Variants in GOLGA2 observed in about 807,000 individuals in gnomAD.
GOLGA2 encodes golgin subfamily A member 2.
A neutral mutation model predicts 148.8 loss-of-function variants in GOLGA2; 49 were observed. The observed-to-expected ratio is 0.33, with a 90% CI of 0.26 to 0.42. The LOEUF (loss-of-function observed/expected upper bound fraction) is 0.42. Among genes scored for constraint, GOLGA2 ranks in the 10% least tolerant of loss-of-function variants. The pLI, the probability that GOLGA2 is intolerant of heterozygous loss-of-function variation, is 1.00. For synonymous variants in GOLGA2, 501 were observed against 511.8 expected, an observed-to-expected ratio of 0.98 and a Z score of 0.28; for missense variants, 1,178 against 1,304.6, an observed-to-expected ratio of 0.90 and a Z score of 1.49.
rs748903657 is a variant in GOLGA2, at chr9:128,268,492, T to C, written c.321A>G (p.Pro107=). 26 of 1,611,058 alleles carry C rather than the reference T, an allele frequency of 1.6e-5. No homozygotes were observed. The highest frequency in any genetic ancestry group is 1.6e-4 in the Middle Eastern group (1 of 6,082). The change falls in exon 4 of 27, where the codon CCA becomes CCG. Residue 107 remains proline (P), a synonymous_variant. Coordinates refer to ENST00000611957, the MANE Select transcript of GOLGA2 (RefSeq NM_001366244.2). The part of the protein sequence containing the change: ...TPKDNAATLQ[P]SDDTVLPGGV... ...CGCCAGGTAACACGGTGTCATCAGATGGTTGTAGAGTAGCAGCATTGTCCT... is the reference window on the plus strand; with the variant it reads ...CGCCAGGTAACACGGTGTCATCAGACGGTTGTAGAGTAGCAGCATTGTCCT...
At chr9:128,268,659 CA>C (rs1830750339) in intron 3 of GOLGA2, 135 bp from the exon 4 acceptor site, 1 of 622,414 alleles carries the variant, frequency 1.6e-6, no homozygotes, top group Non-Finnish European at 2.9e-6. Flanking sequence ...AGGAGCCACT[CA>C]GGGGTGTGGA....
At chr9:128,274,412 C>G (rs1831171176) in intron 1 of GOLGA2, among the ~76,000 whole-genome samples, 2 of 152,156 alleles carry the variant, frequency 1.3e-5, no homozygotes, top group Admixed American at 1.3e-4. Context: ...GAAGTCAAGC[C>G]TGGAGTCCCA....
rs771229274 is a variant in GOLGA2 at position 128,268,506 on chromosome 9, C to G, written c.307G>C (p.Ala103Pro). ...DKWKTPKDNAATLQPSDDTVL... is the reference protein window; with the variant it reads ...DKWKTPKDNAPTLQPSDDTVL... Reference sequence around the variant, plus strand: ...GTGTCATCAGATGGTTGTAGAGTAGCAGCATTGTCCTTGGGTGTCTGTCAC... The same window carrying G: ...GTGTCATCAGATGGTTGTAGAGTAGGAGCATTGTCCTTGGGTGTCTGTCAC... Residue 103 changes from alanine (A) to proline (P), a missense_variant, in exon 4 of 27, where the codon GCT (alanine) becomes CCT (proline). Ala to Pro is a conservative substitution (Grantham distance 27). Around this residue, in one of 5 missense-constraint regions of GOLGA2, gnomAD observed 158 missense variants for 156.6 expected, o/e 1.01. Coordinates refer to ENST00000611957, the MANE Select transcript of GOLGA2 (RefSeq NM_001366244.2). 3.1e-6 allele frequency: 5 copies of G among 1,607,520 alleles called. No individual in the cohort carries two copies. The African/African-American group carries it at 5.3e-5, about 17-fold the overall frequency.
Position 128,262,625 on chromosome 9 carries a change from T to A in GOLGA2, c.1072A>T (p.Met358Leu). 2 of 1,614,000 alleles carry A rather than the reference T, an allele frequency of 1.2e-6. No homozygotes were observed. The highest frequency in any genetic ancestry group is 1.3e-5 in the African/African-American group (1 of 75,072). The change falls in exon 14 of 27, where the codon ATG (methionine) becomes TTG (leucine). Residue 358 changes from methionine (M) to leucine (L), a missense_variant. Met to Leu is a conservative substitution (Grantham distance 15). This residue lies in a region of GOLGA2 where 304 missense variants were observed against 404.1 expected (regional missense o/e 0.75). Coordinates refer to ENST00000611957, the MANE Select transcript of GOLGA2 (RefSeq NM_001366244.2). ...TGCAATTCTTCCAAGTTAAGCTGCA[T>A]GCCAGCCTTCTCAGTCACTAGGACC... is the stretch of plus-strand genomic sequence containing the variant. The part of the protein sequence containing the change: ...LRVLVTEKAG[M>L]QLNLEELQKK...
At position 128,258,945 on chromosome 9, in the gene GOLGA2, C is replaced by G; in HGVS notation, c.2173+62G>C. On this transcript the variant is annotated intron_variant, in intron 21 of 26. Transcript: ENST00000611957. This position sits in a 1 kb window ranked among gnomAD's most constrained non-coding sequence, Gnocchi z 6.6. ...TCTCTTCCAACTCCTCAATTCTACG[C>G]TGCTAACAGTCCCCCCTTCTTCCTG... 9.1e-7 allele frequency: 1 copy of G among 1,093,466 alleles called. No individual in the cohort carries two copies. The highest frequency in any genetic ancestry group is 1.4e-6 in the Non-Finnish European group (1 of 716,118). The allele number at this position is 1,093,466 out of a possible 1,614,324, so 67.7% of individuals were successfully genotyped here. A position where few individuals can be genotyped will look rare whatever the true frequency, so the allele number is the denominator to read the frequency against.
rs1588487015 is a variant in GOLGA2 at position 128,266,504 on chromosome 9, G to T, written c.643-179C>A. The T allele has an allele frequency of 1.6e-6, 1 of 617,726 alleles. No individual in the cohort carries two copies. The highest frequency in any genetic ancestry group is 2.7e-5 in the East Asian group (1 of 36,658). 38.3% of individuals were successfully genotyped at this position (617,726 alleles called of 1,614,324 possible). A position where few individuals can be genotyped will look rare whatever the true frequency, so the allele number is the denominator to read the frequency against. The stretch of plus-strand genomic sequence containing the variant: ...TCAAGGAAAGGGGATTTGTGTCTTT[G>T]TTGGTTTTTGCCCACAGCCACAGAA... On this transcript the variant is annotated intron_variant, in intron 8 of 26. Coordinates refer to ENST00000611957, the MANE Select transcript of GOLGA2 (RefSeq NM_001366244.2). This position sits in a 1 kb window ranked among gnomAD's most constrained non-coding sequence, Gnocchi z 4.2.
In GOLGA2 at chr9:128,261,459, C is replaced by G. The variant is rs923505720; in HGVS notation, c.1327G>C (p.Glu443Gln). ...MWRQRMQQMS[E>Q]QVHTLREEKE... ...GCTGAAGGGTCAGGTCTCACCTGCT[C>G]TGACATCTGCTGCATCCTCTGCCGC... The change falls in exon 16 of 27, where the codon GAG becomes CAG. Residue 443 changes from glutamate (E) to glutamine (Q), a missense_variant. Physicochemically the swap from Glu to Gln is conservative, Grantham distance 29 (BLOSUM62 2). Transcript: ENST00000611957. This position sits in a 1 kb window ranked among gnomAD's most constrained non-coding sequence, Gnocchi z 5.7. The G allele has an allele frequency of 6.3e-7, 1 of 1,578,680 alleles. No individual in the cohort carries two copies. Among genetic ancestry groups the G allele is most frequent in the African/African-American group, 1.3e-5 (1 of 74,272 alleles).
In GOLGA2 at chr9:128,271,494, G is replaced by A. The variant is rs1232919248; in HGVS notation, c.288+1291C>T. On this transcript the variant is annotated intron_variant, in intron 3 of 26. Transcript: ENST00000611957. This position sits in a 1 kb window ranked among gnomAD's most constrained non-coding sequence, Gnocchi z 4.4. The stretch of plus-strand genomic sequence containing the variant: ...AAATGCCAAATCACAGCCAGAGGAG[G>A]TTGTCTCCCAGCCCTGTGTACCTCC... Among the ~76,000 whole-genome samples, 1 of 152,148 alleles carries A rather than the reference G, an allele frequency of 6.6e-6. No individual in the cohort carries two copies. Among genetic ancestry groups the A allele is most frequent in the East Asian group, 1.9e-4 (1 of 5,196 alleles).
intron 6 of GOLGA2, 152 bp downstream of exon 6, chr9:128,267,782 G>T: frequency 1.4e-6 from 1 of 697,776 alleles, no homozygotes; most frequent in Non-Finnish European, 2.5e-6. Flanking sequence ...ACAACTTCAA[G>T]GGAGAAGGCT....
chr9:128,275,474 G>A (rs1472639773), intron 1 of GOLGA2: 3 of 1,304,514 alleles, frequency 2.3e-6, no homozygotes, highest in Non-Finnish European at 2.9e-6. Flanking sequence ...AACCCCGGGA[G>A]GTCCGGTTTG....
At chr9:128,269,854 A>T (rs911309903) in intron 3 of GOLGA2, among the ~76,000 whole-genome samples, 6 of 152,168 alleles carry the variant, frequency 3.9e-5, no homozygotes, top group Non-Finnish European at 8.8e-5. Context: ...CCCTCCTTAG[A>T]GCAAGTGCTG....
Position 128,267,185 on chromosome 9 carries a change from G to A in GOLGA2, c.642+9C>T. ...AGCATGGAATCAGGGGACCCCACTG[G>A]ACTCTTACCAATTTCTCTATCGTGA... On this transcript the variant is annotated intron_variant, in intron 8 of 26. Transcript: ENST00000611957. The A allele has an allele frequency of 4.0e-6, 6 of 1,512,624 alleles. No homozygotes were observed. The highest frequency in any genetic ancestry group is 5.5e-6 in the Non-Finnish European group (6 of 1,087,612). The allele number at this position is 1,512,624 out of a possible 1,614,324, so 93.7% of individuals were successfully genotyped here.
rs7039396 is a variant in GOLGA2 at position 128,271,133 on chromosome 9, G to A, written c.288+1652C>T. ...GGACCTGGGCTGGCACAGAATCTCA[G>A]AGCATTAGGAAACAGGCTGAAGACC... is the stretch of plus-strand genomic sequence containing the variant. On this transcript the variant is annotated intron_variant, in intron 3 of 26. Transcript: ENST00000611957. The surrounding 1 kb of genome is among the most constrained non-coding windows in gnomAD (Gnocchi z 4.4). 0.086 allele frequency among the ~76,000 whole-genome samples: 13,062 copies of A among 152,186 alleles called. 1,049 individuals are homozygous for A. Among genetic ancestry groups the A allele is most frequent in the African/African-American group, 0.21 (8,787 of 41,494 alleles).
In GOLGA2 at chr9:128,266,091, G is replaced by A; in HGVS notation, c.682-71C>T. The A allele has an allele frequency of 7.0e-7, 1 of 1,438,154 alleles. No individual in the cohort carries two copies. Among genetic ancestry groups the A allele is most frequent in the Non-Finnish European group, 9.8e-7 (1 of 1,019,804 alleles). 89.1% of individuals were successfully genotyped at this position (1,438,154 alleles called of 1,614,324 possible). On this transcript the variant is annotated intron_variant, in intron 9 of 26. Coordinates refer to ENST00000611957, the MANE Select transcript of GOLGA2 (RefSeq NM_001366244.2). This position sits in a 1 kb window ranked among gnomAD's most constrained non-coding sequence, Gnocchi z 4.2. ...CGGCACAGCAAGGGACATGCCCCCA[G>A]AATGCCACCAATGTCCCAGGACAGG...
chr9:128,272,785 CT>C lies in GOLGA2; in HGVS notation c.287del (p.Lys96ArgfsTer88). ...GVALPPLDKW[K>X]TPKDNAATLQ... ...GAGAGGGGTCTCGGCACTGCCTCAC[CT>C]TCCACTTGTCCAATGGGGGGAGCGC... On this transcript the variant is annotated frameshift_variant and splice_region_variant, in exon 3 of 27. Transcript: ENST00000611957. 1.6e-6 allele frequency: 2 copies of C among 1,231,422 alleles called. No individual in the cohort carries two copies. The highest frequency in any genetic ancestry group is 2.1e-6 in the Non-Finnish European group (2 of 939,908). The allele number at this position is 1,231,422 out of a possible 1,614,324, so 76.3% of individuals were successfully genotyped here. A position where few individuals can be genotyped will look rare whatever the true frequency, so the allele number is the denominator to read the frequency against.
At chr9:128,270,074 T>C (rs1466155572) in intron 3 of GOLGA2, among the ~76,000 whole-genome samples, 2 of 151,922 alleles carry the variant, frequency 1.3e-5, no homozygotes, top group East Asian at 3.9e-4. Flanking sequence ...CCTCCTGGCA[T>C]CTTCGGTTCC....
Position 128,262,659 on chromosome 9 carries a change from C to T in GOLGA2, c.1038G>A (p.Glu346=). 6.2e-7 allele frequency: 1 copy of T among 1,613,758 alleles called. No individual in the cohort carries two copies. The stretch of plus-strand genomic sequence containing the variant: ...TCTCAGTCACTAGGACCCGAAGCTT[C>T]TCTTCCAATTCTGATTTCTCTTGCT... ...DLKQEKSELE[E]KLRVLVTEKA... Residue 346 remains glutamate (E), a synonymous_variant, in exon 14 of 27, where the codon GAG becomes GAA. Transcript: ENST00000611957.
intron 1 of GOLGA2, among the ~76,000 whole-genome samples, chr9:128,274,927 C>A (rs1831214369): frequency 6.6e-6 from 1 of 152,160 alleles, no homozygotes; most frequent in South Asian, 2.1e-4. Context: ...AAGACCTGTT[C>A]CACAGAAGAT....
chr9:128,265,696 A>T lies in GOLGA2; in HGVS notation c.827-5T>A, dbSNP rs1260151821. On this transcript the variant is annotated splice_polypyrimidine_tract_variant and splice_region_variant and intron_variant, in intron 11 of 26. Transcript: ENST00000611957. ...TGGCCAGATCTTCAGACTCTCCTGG[A>T]ATGAGAGAGGTTGAGATGGGGCCCA... 6.2e-7 allele frequency: 1 copy of T among 1,613,308 alleles called. No individual in the cohort carries two copies. Among genetic ancestry groups the T allele is most frequent in the Non-Finnish European group, 8.5e-7 (1 of 1,179,430 alleles).
Sources: gnomAD v4.1 joint callset for allele counts (sites outside exome capture counted in the v4.1 genomes callset) on GRCh38, gnomAD v4.1.1 for gene constraint, gnomAD v4.1.1 regional missense constraint, Gnocchi (gnomAD v3.1) non-coding constraint, MANE v1.5 for transcripts, NCBI Gene and HGNC (gene_info 2026-07-23, HGNC 2026-07-21) for gene names.